LEPR: variants seen among roughly 807,000 people sequenced by gnomAD.
LEPR encodes the protein leptin receptor.
In LEPR, 56 loss-of-function variants were observed where a neutral mutation model predicts 114.7. The observed-to-expected ratio is 0.49, with a 90% CI of 0.39 to 0.61. The LOEUF (loss-of-function observed/expected upper bound fraction) is 0.61, where lower values mean the gene tolerates loss of function less well. LEPR is among the 20% of genes least tolerant of loss of function. The pLI is 0.00. For synonymous variants in LEPR, 443 were observed against 461.4 expected, an observed-to-expected ratio of 0.96 and a Z score of 0.51; for missense variants, 1,202 against 1,352.9, an observed-to-expected ratio of 0.89 and a Z score of 1.75.
chr1:65,516,301 C>T (rs555381172), intron 2 of LEPR, among the ~76,000 whole-genome samples: 14 of 151,850 alleles, frequency 9.2e-5, no homozygotes, highest in Middle Eastern at 6.8e-3. Context: ...CGGATTAGCC[C>T]GGCGTGGTGG....
chr1:65,578,858 A>G (rs1654782708), intron 5 of LEPR, among the ~76,000 whole-genome samples: 1 of 152,158 alleles, frequency 6.6e-6, no homozygotes, highest in Non-Finnish European at 1.5e-5. Flanking sequence ...TTCTTTCTGT[A>G]TTGATTACCA....
chr1:65,533,010 GAT>G (rs1300380852), intron 2 of LEPR, among the ~76,000 whole-genome samples: 2 of 151,982 alleles, frequency 1.3e-5, no homozygotes, highest in Non-Finnish European at 2.9e-5. Context: ...CAATAAAACT[GAT>G]ATTTTAAAAA....
intron 2 of LEPR, among the ~76,000 whole-genome samples, chr1:65,442,545 T>C (rs1203574830): frequency 6.6e-6 from 1 of 152,224 alleles, no homozygotes; most frequent in Non-Finnish European, 1.5e-5. Context: ...TGGGCCTTGG[T>C]CATTTATATT....
chr1:65,627,558 A>G (rs1557705114), intron 19 of LEPR, among the ~76,000 whole-genome samples: 1 of 152,198 alleles, frequency 6.6e-6, no homozygotes, highest in African/African-American at 2.4e-5. Flanking sequence ...CAATTCTTCA[A>G]AAGGTTAAAC....
intron 2 of LEPR, among the ~76,000 whole-genome samples, chr1:65,436,360 A>G (rs1382929621): frequency 6.6e-6 from 1 of 152,224 alleles, no homozygotes; most frequent in Non-Finnish European, 1.5e-5. Context: ...GAATGCACTA[A>G]TAGAAAGTAG....
intron 2 of LEPR, among the ~76,000 whole-genome samples, chr1:65,496,195 AT>A (rs992573437): frequency 5.9e-5 from 9 of 152,182 alleles, no homozygotes; most frequent in African/African-American, 2.2e-4. Flanking sequence ...GTGTCAATCA[AT>A]TTTTTTTAAA....
At chr1:65,459,801 C>G (rs954949712) in intron 2 of LEPR, among the ~76,000 whole-genome samples, 1 of 152,208 alleles carries the variant, frequency 6.6e-6, no homozygotes, top group African/African-American at 2.4e-5. Flanking sequence ...TCCACCCTGC[C>G]TACTTTCCAC....
chr1:65,537,050 C>A (rs1337513453), intron 2 of LEPR, among the ~76,000 whole-genome samples: 1 of 152,100 alleles, frequency 6.6e-6, no homozygotes, highest in Non-Finnish European at 1.5e-5. Context: ...GCTACCAGGC[C>A]ATCGGGAATT....
At chr1:65,431,878 A>G in intron 2 of LEPR, 2 of 1,614,054 alleles carry the variant, frequency 1.2e-6, no homozygotes, top group Non-Finnish European at 1.7e-6. Context: ...GTTTTTCCTT[A>G]TATTTGGAAG....
intron 2 of LEPR, among the ~76,000 whole-genome samples, chr1:65,520,532 G>T (rs1282756489): frequency 6.6e-6 from 1 of 152,104 alleles, no homozygotes; most frequent in East Asian, 1.9e-4. Flanking sequence ...AGAAAATGTG[G>T]CATTCCTATG....
intron 2 of LEPR, among the ~76,000 whole-genome samples, chr1:65,550,409 G>T (rs1288704309): frequency 6.6e-6 from 1 of 152,182 alleles, no homozygotes; most frequent in Non-Finnish European, 1.5e-5. Context: ...TCTGTGCCCT[G>T]CCCCCAGAGG....
intron 2 of LEPR, chr1:65,432,566 TAAAAA>T: frequency 7.9e-6 from 7 of 882,296 alleles, no homozygotes; most frequent in Non-Finnish European, 8.1e-6. Context: ...CTCATTTGTT[TAAAAA>T]AAAAAAAAAA....
At chr1:65,459,299 T>C (rs1001870652) in intron 2 of LEPR, among the ~76,000 whole-genome samples, 2 of 152,060 alleles carry the variant, frequency 1.3e-5, no homozygotes, top group African/African-American at 4.8e-5. Flanking sequence ...TCTGGGGAGC[T>C]GACCTCTGAG....
At chr1:65,471,592 C>T (rs1647083794) in intron 2 of LEPR, among the ~76,000 whole-genome samples, 1 of 152,168 alleles carries the variant, frequency 6.6e-6, no homozygotes, top group Admixed American at 6.6e-5. Context: ...CCTGGTTGAC[C>T]TGTTTTTCCA....
chr1:65,473,334 T>C (rs897452425), intron 2 of LEPR, among the ~76,000 whole-genome samples: 2 of 152,236 alleles, frequency 1.3e-5, no homozygotes, highest in South Asian at 4.1e-4. Context: ...AATTTCTATA[T>C]GTGAAGGCAC....
At chr1:65,613,645 C>T (rs1009659803) in intron 14 of LEPR, among the ~76,000 whole-genome samples, 1 of 126,342 alleles carries the variant, frequency 7.9e-6, no homozygotes, top group African/African-American at 2.8e-5. Flanking sequence ...CCCAGCTACT[C>T]GGGAGGCTGA....
intron 5 of LEPR, chr1:65,576,676 C>T (rs2100831408): frequency 6.2e-6 from 1 of 160,792 alleles, no homozygotes; most frequent in Non-Finnish European, 1.4e-5. Context: ...AAAGCTTTTC[C>T]TCTCCAGATT....
intron 2 of LEPR, among the ~76,000 whole-genome samples, chr1:65,525,130 G>C (rs1041852677): frequency 6.6e-6 from 1 of 152,194 alleles, no homozygotes; most frequent in Non-Finnish European, 1.5e-5. Flanking sequence ...GAAGATGCTG[G>C]CGGAAGCATC....
chr1:65,435,597 G>A lies in LEPR; in HGVS notation c.-21+10219G>A, dbSNP rs1042100252. 1.4e-5 allele frequency: 9 copies of A among 652,848 alleles called. 1 individual carries two copies. The African/African-American group carries it at 1.8e-4, about 13-fold the overall frequency. 40.4% of individuals were successfully genotyped at this position (652,848 alleles called of 1,614,324 possible). On this transcript the variant is annotated intron_variant, in intron 2 of 19. Coordinates refer to ENST00000349533, the MANE Select transcript of LEPR (RefSeq NM_002303.6). ...TTAGCCAGGATGGTCTCGATCTCCT[G>A]ACCTCATGATCCGCCCGCCTCTGCC...
Sources: gnomAD v4.1 joint callset for allele counts (sites outside exome capture counted in the v4.1 genomes callset) on GRCh38, gnomAD v4.1.1 for gene constraint, MANE v1.5 for transcripts, NCBI Gene and HGNC (gene_info 2026-07-23, HGNC 2026-07-21) for gene names.